NCKAP5L: variants seen among roughly 807,000 people sequenced by gnomAD.
NCKAP5L encodes the protein NCK associated protein 5 like.
Under a neutral mutation model 103.2 loss-of-function variants are expected in NCKAP5L, and 54 were observed. The ratio of observed to expected loss-of-function variants is 0.52; its 90% CI spans 0.42 to 0.66. NCKAP5L has a LOEUF of 0.66. Among genes scored for constraint, NCKAP5L ranks in the 30% least tolerant of loss-of-function variants. The pLI is 0.00. For missense variants in NCKAP5L, 1,733 were observed against 1,750.6 expected (o/e 0.99, Z 0.18); for synonymous variants, 762 against 748.6 (o/e 1.02, Z -0.29).
chr12:49,792,382 G>C lies in NCKAP5L; in HGVS notation c.3792+64C>G. On this transcript the variant is annotated intron_variant, in intron 12 of 12. Transcript: ENST00000335999. This position sits in a 1 kb window ranked among gnomAD's most constrained non-coding sequence, Gnocchi z 4.5. ...CAGGCCGTACCTTACTGGAGAAACT[G>C]GTCTCCCCACATCACTCCCTCCTGC... is the stretch of plus-strand genomic sequence containing the variant. The C allele has an allele frequency of 6.3e-7, 1 of 1,592,154 alleles. No individual in the cohort carries two copies. Among genetic ancestry groups the C allele is most frequent in the Non-Finnish European group, 8.6e-7 (1 of 1,169,530 alleles).
Position 49,796,485 on chromosome 12 carries a change from GA to G in NCKAP5L, c.1374del (p.Leu459Ter). On this transcript the variant is annotated frameshift_variant, in exon 8 of 13. Coordinates refer to ENST00000335999, the MANE Select transcript of NCKAP5L (RefSeq NM_001037806.4). LOFTEE classifies it high-confidence loss of function. ...LLPSPARGLKFLKLPPTSEKS... is the reference protein window; with the variant it reads ...LLPSPARGLKXLKLPPTSEKS... ...TTCTCCGAGGTTGGAGGCAGCTTTA[GA>G]AACTTGAGACCCCTAGCTGGAGAGG... 1 of 1,534,572 alleles carries G rather than the reference GA, an allele frequency of 6.5e-7. No individual in the cohort carries two copies. The highest frequency in any genetic ancestry group is 1.3e-5 in the South Asian group (1 of 78,736).
chr12:49,824,873 A>G (rs889468296), intron 1 of NCKAP5L, among the ~76,000 whole-genome samples: 1 of 152,202 alleles, frequency 6.6e-6, no homozygotes, highest in Non-Finnish European at 1.5e-5. Context: ...TTTCCTCGGT[A>G]TGTTACAAAG....
At chr12:49,828,274 C>G (rs568533439) in intron 1 of NCKAP5L, 48 bp downstream of exon 1, 4 of 152,726 alleles carry the variant, frequency 2.6e-5, no homozygotes, top group South Asian at 2.1e-4. Flanking sequence ...TACAGATCGC[C>G]CCCCCGCACT....
intron 1 of NCKAP5L, among the ~76,000 whole-genome samples, chr12:49,827,665 C>G (rs1195902390): frequency 6.6e-6 from 1 of 152,218 alleles, no homozygotes; most frequent in Non-Finnish European, 1.5e-5. Context: ...TGCTCCCTGC[C>G]CAACCAACCC....
chr12:49,792,641 G>T lies in NCKAP5L; in HGVS notation c.3649+37C>A. 6.2e-7 allele frequency: 1 copy of T among 1,613,438 alleles called. No homozygotes were observed. Among genetic ancestry groups the T allele is most frequent in the Non-Finnish European group, 8.5e-7 (1 of 1,179,592 alleles). On this transcript the variant is annotated intron_variant, in intron 11 of 12. Coordinates refer to ENST00000335999, the MANE Select transcript of NCKAP5L (RefSeq NM_001037806.4). This position sits in a 1 kb window ranked among gnomAD's most constrained non-coding sequence, Gnocchi z 4.5. The stretch of plus-strand genomic sequence containing the variant: ...GGAGCTGCCTGGGCAGCTCCAGGAT[G>T]CCCAGGGGCATCCCACCCTCCCACC...
chr12:49,803,013 C>T lies in NCKAP5L; in HGVS notation c.193-17G>A, dbSNP rs766854807. On this transcript the variant is annotated splice_polypyrimidine_tract_variant and intron_variant, in intron 4 of 12. Transcript: ENST00000335999. Reference sequence around the variant, plus strand: ...GTTGGCAACCTGGGGACAGAAAGCCCCGAGGCAGAGCCATCAGCTGACCCC... The same window carrying T: ...GTTGGCAACCTGGGGACAGAAAGCCTCGAGGCAGAGCCATCAGCTGACCCC... 5 of 1,614,120 alleles carry T rather than the reference C, an allele frequency of 3.1e-6. No individual in the cohort carries two copies. The highest frequency in any genetic ancestry group is 2.2e-5 in the East Asian group (1 of 44,898).
chr12:49,813,684 C>T (rs1242779305), intron 1 of NCKAP5L, among the ~76,000 whole-genome samples: 2 of 152,102 alleles, frequency 1.3e-5, no homozygotes, highest in East Asian at 3.8e-4. Flanking sequence ...TGTGCCACCA[C>T]ACCTGACTAA....
chr12:49,808,577 C>T (rs569006073), intron 1 of NCKAP5L, among the ~76,000 whole-genome samples: 89 of 152,354 alleles, frequency 5.8e-4, no homozygotes, highest in African/African-American at 2.0e-3. Context: ...GAGACCACCA[C>T]CACCAGCTCC....
At chr12:49,813,630 C>A (rs934861948) in intron 1 of NCKAP5L, among the ~76,000 whole-genome samples, 2 of 152,102 alleles carry the variant, frequency 1.3e-5, no homozygotes, top group Non-Finnish European at 2.9e-5. Context: ...TGGGTTCAAG[C>A]AGTTCTCCTG....
chr12:49,798,283 A>G (rs1451854746), intron 7 of NCKAP5L, 67 bp downstream of exon 7: 16 of 1,374,570 alleles, frequency 1.2e-5, no homozygotes, highest in South Asian at 5.0e-5. Flanking sequence ...ACTGGGAAAC[A>G]GCCCTTCTCC....
At chr12:49,807,609 ATAGACT>A (rs762034538) in intron 1 of NCKAP5L, among the ~76,000 whole-genome samples, 1 of 152,214 alleles carries the variant, frequency 6.6e-6, no homozygotes, top group Admixed American at 6.5e-5. Context: ...ATCACGTTTG[ATAGACT>A]TAGAAATATA....
At chr12:49,807,020 C>T (rs987830500) in intron 1 of NCKAP5L, among the ~76,000 whole-genome samples, 1 of 152,172 alleles carries the variant, frequency 6.6e-6, no homozygotes, top group South Asian at 2.1e-4. Context: ...AGGCCGACTC[C>T]GAGTCCCAGG....
chr12:49,805,192 C>G (rs1946166650), intron 2 of NCKAP5L: 1 of 152,396 alleles, frequency 6.6e-6, no homozygotes, highest in African/African-American at 2.4e-5. Context: ...CCAGCCTCCC[C>G]CACCAGACAG....
chr12:49,817,056 A>T (rs181003489), intron 1 of NCKAP5L, among the ~76,000 whole-genome samples: 58 of 152,288 alleles, frequency 3.8e-4, no homozygotes, highest in Non-Finnish European at 5.3e-4. Flanking sequence ...GAACTACCTA[A>T]AAAAGTACAA....
rs1224256772 is a variant in NCKAP5L at position 49,794,844 on chromosome 12, T to G, written c.3016A>C (p.Thr1006Pro). ...TGGCCCTGCACCTGCCCCAGCCCCG[T>G]GTTGGGCCCTGGGGCTGGGCCACCA... ...RPGGPAPGPN[T>P]GLGQVQGQLA... The change falls in exon 8 of 13, where the codon ACG (threonine) becomes CCG (proline). Residue 1006 changes from threonine (T) to proline (P), a missense_variant. Physicochemically the swap from Thr to Pro is conservative, Grantham distance 38. Coordinates refer to ENST00000335999, the MANE Select transcript of NCKAP5L (RefSeq NM_001037806.4). The G allele has an allele frequency of 1.3e-6, 2 of 1,517,726 alleles. No individual in the cohort carries two copies. The highest frequency in any genetic ancestry group is 1.8e-6 in the Non-Finnish European group (2 of 1,133,486). 94.0% of individuals were successfully genotyped at this position (1,517,726 alleles called of 1,614,324 possible).
intron 10 of NCKAP5L, 23 bp from the exon 11 acceptor site, chr12:49,793,009 C>T (rs746021237): frequency 2.1e-5 from 32 of 1,495,144 alleles, no homozygotes; most frequent in Non-Finnish European, 2.8e-5. Context: ...GGGGAGGGCC[C>T]GTTAAGAGTG....
At chr12:49,802,048 G>T in intron 5 of NCKAP5L, 81 bp from the exon 6 acceptor site, 4 of 1,544,742 alleles carry the variant, frequency 2.6e-6, no homozygotes, top group Non-Finnish European at 3.5e-6. Flanking sequence ...CAGAGCAGCG[G>T]CATCTGTCTG....
Position 49,797,307 on chromosome 12 carries a change from G to A in NCKAP5L, c.553C>T (p.Arg185Trp), listed in dbSNP as rs780474358. 7.4e-6 allele frequency: 12 copies of A among 1,613,280 alleles called. No homozygotes were observed. The highest frequency in any genetic ancestry group is 1.7e-4 in the Middle Eastern group (1 of 6,038). The change falls in exon 8 of 13, where the codon CGG becomes TGG. Residue 185 changes from arginine (R) to tryptophan (W), a missense_variant. By Grantham distance (101) the Arg-to-Trp change is moderately radical. Coordinates refer to ENST00000335999, the MANE Select transcript of NCKAP5L (RefSeq NM_001037806.4). The surrounding 1 kb of genome is among the most constrained non-coding windows in gnomAD (Gnocchi z 4.5). ...PALDALSPFLRKKAQILEVLR... is the reference protein window; with the variant it reads ...PALDALSPFLWKKAQILEVLR... Reference sequence around the variant, plus strand: ...ACCTCCAGAATCTGGGCCTTCTTCCGAAGGAACGGGGATAGGGCATCCAGC... The same window carrying A: ...ACCTCCAGAATCTGGGCCTTCTTCCAAAGGAACGGGGATAGGGCATCCAGC...
In NCKAP5L at chr12:49,796,153, C is replaced by G; in HGVS notation, c.1707G>C (p.Gly569=). ...GGGATGGAGGTGGCTCTGGGGAAGG[C>G]CCCCTAAAGGTGCTCCGAGAAAGGT... ...ILDLSRSTFR[G]PSPEPPPSPL... The change falls in exon 8 of 13, where the codon GGG becomes GGC. Residue 569 remains glycine (G), a synonymous_variant. Coordinates refer to ENST00000335999, the MANE Select transcript of NCKAP5L (RefSeq NM_001037806.4). 6.2e-7 allele frequency: 1 copy of G among 1,611,052 alleles called. No homozygotes were observed. The highest frequency in any genetic ancestry group is 8.5e-7 in the Non-Finnish European group (1 of 1,178,918).
Sources: allele counts gnomAD v4.1 joint callset (sites outside exome capture counted in the v4.1 genomes callset), GRCh38; gene constraint gnomAD v4.1.1; non-coding constraint Gnocchi (gnomAD v3.1); transcripts MANE v1.5; gene names NCBI Gene and HGNC (gene_info 2026-07-23, HGNC 2026-07-21).